The following PCDHA9 variants were observed in gnomAD, a reference collection of about 807,000 sequenced individuals.
The protein encoded by PCDHA9 is protocadherin alpha-9.
PCDHA9 carries 62 observed loss-of-function variants against 62.0 expected under a neutral mutation model. That is an observed-to-expected ratio of 1.00 (90% CI 0.81 to 1.23). The LOEUF is 1.23. Ranked by LOEUF, PCDHA9 falls within the 50% of genes most tolerant of loss-of-function variation. The probability of loss-of-function intolerance (pLI) is 0.00; values close to 1 mark genes in which losing one functional copy is unlikely to be tolerated. For synonymous variants in PCDHA9, 557 were observed against 567.6 expected, an observed-to-expected ratio of 0.98 and a Z score of 0.27; for missense variants, 1,205 against 1,249.8, an observed-to-expected ratio of 0.96 and a Z score of 0.54.
At chr5:140,861,996 G>T (rs988991562) in intron 1 of PCDHA9, 4 of 155,486 alleles carry the variant, frequency 2.6e-5, no homozygotes, top group African/African-American at 9.7e-5. Context: ...AAGGTACACT[G>T]GTTATTAGAC....
intron 1 of PCDHA9, among the ~76,000 whole-genome samples, chr5:140,888,192 A>T (rs906159358): frequency 6.6e-6 from 1 of 152,120 alleles, no homozygotes; most frequent in Non-Finnish European, 1.5e-5. Context: ...TGAATTTTAC[A>T]TTGTCGGATG....
Position 140,949,361 on chromosome 5 carries a change from G to C in PCDHA9, c.2395-29588G>C, listed in dbSNP as rs150004166. 4.9e-3 allele frequency among the ~76,000 whole-genome samples: 749 copies of C among 151,546 alleles called. 8 individuals are homozygous for C. The highest frequency in any genetic ancestry group is 0.017 in the African/African-American group (722 of 41,420). On this transcript the variant is annotated intron_variant, in intron 1 of 3. Coordinates refer to ENST00000532602, the MANE Select transcript of PCDHA9 (RefSeq NM_031857.2). ...AGATTTTCTGTGTCTTTATTTTTTT[G>C]TCTAGTTGTCCTATCAATTGCTCAG...
At chr5:140,981,077 G>C (rs1178580802) in intron 2 of PCDHA9, among the ~76,000 whole-genome samples, 1 of 152,168 alleles carries the variant, frequency 6.6e-6, no homozygotes, top group Non-Finnish European at 1.5e-5. Flanking sequence ...GGGAAGAATA[G>C]TAAAAGGTCA....
chr5:140,966,529 G>C (rs1382443921), intron 1 of PCDHA9: 5 of 446,974 alleles, frequency 1.1e-5, no homozygotes, highest in Non-Finnish European at 1.9e-5. Flanking sequence ...GCCGAGCCGG[G>C]TTGAGCGACT....
chr5:140,865,345 A>T (rs555567469), intron 1 of PCDHA9: 4 of 152,320 alleles, frequency 2.6e-5, no homozygotes, highest in African/African-American at 9.6e-5. Context: ...GAAATAGTAT[A>T]TTTACATATT....
In PCDHA9 at chr5:140,978,964, C is replaced by A; in HGVS notation, c.2410C>A (p.Pro804Thr). The A allele has an allele frequency of 6.2e-7, 1 of 1,614,122 alleles. No individual in the cohort carries two copies. The highest frequency in any genetic ancestry group is 1.3e-5 in the African/African-American group (1 of 75,040). ...GATTTTGCAGCCACGACAGCCCAAC[C>A]CTGACTGGCGTTACTCTGCCTCCCT... The part of the protein sequence containing the change: ...DSTGKPRQPN[P>T]DWRYSASLRA... Residue 804 changes from proline (P) to threonine (T), a missense_variant, in exon 2 of 4, where the codon CCT becomes ACT. Around this residue, in one of 3 missense-constraint regions of PCDHA9, gnomAD observed 887 missense variants for 809.5 expected, o/e 1.10. Transcript: ENST00000532602.
At chr5:140,875,691 C>A (rs1554167867) in intron 1 of PCDHA9, 2 of 1,614,036 alleles carry the variant, frequency 1.2e-6, no homozygotes, top group South Asian at 1.1e-5. Flanking sequence ...GACACGGGGA[C>A]CTTCTGGAGG....
At chr5:140,909,065 A>G (rs1402526950) in intron 1 of PCDHA9, among the ~76,000 whole-genome samples, 3 of 152,218 alleles carry the variant, frequency 2.0e-5, no homozygotes, top group Admixed American at 6.5e-5. Flanking sequence ...TGTCTCACCA[A>G]TAAGCCCAGT....
chr5:140,993,087 G>T (rs1476981409), intron 3 of PCDHA9, among the ~76,000 whole-genome samples: 2 of 152,188 alleles, frequency 1.3e-5, no homozygotes, highest in African/African-American at 4.8e-5. Flanking sequence ...AATCAGCAGG[G>T]CTATGTTTAT....
At chr5:140,911,775 C>T (rs1341124275) in intron 1 of PCDHA9, among the ~76,000 whole-genome samples, 1 of 152,096 alleles carries the variant, frequency 6.6e-6, no homozygotes, top group African/African-American at 2.4e-5. Context: ...AAGTACAGTC[C>T]TTAGCATTTT....
chr5:140,921,165 A>G (rs959305878), intron 1 of PCDHA9, among the ~76,000 whole-genome samples: 1 of 151,798 alleles, frequency 6.6e-6, no homozygotes, highest in Admixed American at 6.6e-5. Context: ...TTTTTTTAAC[A>G]CACATAAAGC....
chr5:140,943,257 C>CA (rs1238620023), intron 1 of PCDHA9, among the ~76,000 whole-genome samples: 3,333 of 76,804 alleles, frequency 0.043, 169 homozygotes, highest in Admixed American at 0.1. Context: ...GACTCTGTCT[C>CA]AAAAAAAAAA....
chr5:140,926,754 C>A, intron 1 of PCDHA9: 1 of 1,283,492 alleles, frequency 7.8e-7, no homozygotes. Context: ...TCGGCGGTCG[C>A]TGAGTATCCA....
At chr5:140,982,845 C>A (rs1436674965) in intron 3 of PCDHA9, among the ~76,000 whole-genome samples, 1 of 151,978 alleles carries the variant, frequency 6.6e-6, no homozygotes, top group Non-Finnish European at 1.5e-5. Flanking sequence ...TTGTTTAAAT[C>A]AGGTACCTTT....
rs147099629 is a variant in PCDHA9, at chr5:140,848,613, G to C, written c.118G>C (p.Glu40Gln). The part of the protein sequence containing the change: ...QLHYSVPEEA[E>Q]HGTFVGRIAQ... ...CCACTACTCCGTCCCGGAGGAAGCC[G>C]AACACGGCACCTTCGTGGGCCGCAT... Residue 40 changes from glutamate to glutamine, a missense_variant, in exon 1 of 4, where the codon GAA (glutamate) becomes CAA (glutamine). By Grantham distance (29) the Glu-to-Gln change is conservative (BLOSUM62 2). This residue lies in a region of PCDHA9 where 208 missense variants were observed against 213.2 expected (regional missense o/e 0.98). Transcript: ENST00000532602. The C allele has an allele frequency of 6.3e-7, 1 of 1,587,628 alleles. No homozygotes were observed. Among genetic ancestry groups the C allele is most frequent in the Admixed American group, 1.7e-5 (1 of 59,122 alleles).
intron 3 of PCDHA9, among the ~76,000 whole-genome samples, chr5:140,996,330 A>G (rs551945424): frequency 6.6e-6 from 1 of 152,208 alleles, no homozygotes; most frequent in Non-Finnish European, 1.5e-5. Flanking sequence ...TAGAGAAGAA[A>G]AGTTTGAAAA....
rs143580970 is a variant in PCDHA9, at chr5:140,976,476, G to A, written c.2395-2473G>A. ...TGGGGAAGAAGAATTGCTTGAATCC[G>A]GGAGGCAGAGGTTGCAGGGAGCCAA... On this transcript the variant is annotated intron_variant, in intron 1 of 3. Transcript: ENST00000532602. 8.2e-3 allele frequency among the ~76,000 whole-genome samples: 1,253 copies of A among 152,132 alleles called. 22 individuals carry two copies. The highest frequency in any genetic ancestry group is 0.028 in the African/African-American group (1,179 of 41,504).
chr5:140,889,831 T>C (rs2062398202), intron 1 of PCDHA9, among the ~76,000 whole-genome samples: 1 of 152,138 alleles, frequency 6.6e-6, no homozygotes, highest in African/African-American at 2.4e-5. Flanking sequence ...AGTCTTACAG[T>C]ATGCTTTGGT....
At chr5:141,004,843 A>G (rs2098184369) in intron 3 of PCDHA9, among the ~76,000 whole-genome samples, 1 of 152,230 alleles carries the variant, frequency 6.6e-6, no homozygotes, top group African/African-American at 2.4e-5. Context: ...CAAAGTCATT[A>G]GTCTCAGAGA....
Sources: gnomAD v4.1 joint callset for allele counts (sites outside exome capture counted in the v4.1 genomes callset) on GRCh38, gnomAD v4.1.1 for gene constraint, gnomAD v4.1.1 regional missense constraint, MANE v1.5 for transcripts, NCBI Gene and HGNC (gene_info 2026-07-23, HGNC 2026-07-21) for gene names.